Variants in KDM6A observed in about 807,000 individuals in gnomAD.
The protein encoded by KDM6A is lysine-specific demethylase 6A.
KDM6A carries 11 observed loss-of-function variants against 117.6 expected under a neutral mutation model. The ratio of observed to expected loss-of-function variants is 0.09; its 90% CI spans 0.06 to 0.15. The LOEUF is 0.15. Among genes scored for constraint, KDM6A ranks in the 10% least tolerant of loss-of-function variants. KDM6A has a pLI of 1.00. For missense variants in KDM6A, 799 were observed against 1,077.3 expected (o/e 0.74, Z 3.62); for synonymous variants, 384 against 396.1 (o/e 0.97, Z 0.36).
intron 2 of KDM6A, among the ~76,000 whole-genome samples, chrX:44,903,180 A>T (rs1004976722): frequency 4.5e-5 from 5 of 111,889 alleles, no homozygotes; most frequent in African/African-American, 1.6e-4. Context: ...CCTAGTGACA[A>T]ATTCAGTTTT....
chrX:44,969,409 A>C (rs1403685210), intron 3 of KDM6A, among the ~76,000 whole-genome samples: 1 of 68,288 alleles, frequency 1.5e-5, no homozygotes, highest in Non-Finnish European at 2.8e-5. Flanking sequence ...TTCTCTTTTT[A>C]TCTTTTTTTT....
chrX:44,950,610 G>T (rs2147101433), intron 2 of KDM6A, among the ~76,000 whole-genome samples: 1 of 110,833 alleles, frequency 9.0e-6, no homozygotes, highest in East Asian at 2.8e-4. Context: ...GTGTCTGTGT[G>T]TGTGAATATA....
At chrX:44,920,600 G>A (rs1448914739) in intron 2 of KDM6A, among the ~76,000 whole-genome samples, 2 of 108,370 alleles carry the variant, frequency 1.8e-5, no homozygotes, top group Non-Finnish European at 3.8e-5. Flanking sequence ...CACCACGCCT[G>A]GCTAATTTTT....
chrX:44,884,098 A>G (rs1197174302), intron 2 of KDM6A, among the ~76,000 whole-genome samples: 4 of 74,793 alleles, frequency 5.3e-5, no homozygotes, highest in African/African-American at 7.4e-5. Flanking sequence ...GTGAAACTCT[A>G]TCTCAAAAAA....
chrX:44,923,428 A>AT (rs1206154088), intron 2 of KDM6A, among the ~76,000 whole-genome samples: 25 of 55,404 alleles, frequency 4.5e-4, no homozygotes, highest in African/African-American at 1.3e-3. Context: ...TGCTCTGTTC[A>AT]TTTTTTTTTC....
chrX:44,995,772 G>A (rs2040836554), intron 4 of KDM6A, among the ~76,000 whole-genome samples: 1 of 111,504 alleles, frequency 9.0e-6, no homozygotes, highest in South Asian at 3.7e-4. Context: ...CTGGCCTGTT[G>A]GGATACTTTT....
chrX:44,891,355 A>C (rs1314434942), intron 2 of KDM6A, among the ~76,000 whole-genome samples: 1 of 111,471 alleles, frequency 9.0e-6, no homozygotes, highest in East Asian at 2.8e-4. Flanking sequence ...GTAGATGTTC[A>C]ACTGCTCCAC....
chrX:45,096,321 T>G (rs1259259811), intron 27 of KDM6A, among the ~76,000 whole-genome samples: 1 of 111,661 alleles, frequency 9.0e-6, no homozygotes, highest in Non-Finnish European at 1.9e-5. Flanking sequence ...GCTCCCTCCC[T>G]CCCTCAGCTC....
intron 17 of KDM6A, 41 bp downstream of exon 17, chrX:45,063,858 A>G: frequency 9.1e-7 from 1 of 1,101,400 alleles, no homozygotes; most frequent in Non-Finnish European, 1.2e-6. Context: ...TTTCACATAA[A>G]TGTTTTTACT....
chrX:45,082,686 T>G (rs775257024), intron 22 of KDM6A, 29 bp from the exon 23 acceptor site: 137 of 1,176,823 alleles, frequency 1.2e-4, no homozygotes, highest in Non-Finnish European at 1.5e-4. Context: ...TTAAAAGGCA[T>G]GTTTCTAATA....
chrX:44,934,181 G>T (rs1264242223), intron 2 of KDM6A, among the ~76,000 whole-genome samples: 1 of 111,687 alleles, frequency 9.0e-6, no homozygotes, highest in Non-Finnish European at 1.9e-5. Flanking sequence ...CAGTTCTGGT[G>T]AACTTCCTCA....
intron 4 of KDM6A, among the ~76,000 whole-genome samples, chrX:45,004,874 A>G (rs1034126554): frequency 1.8e-5 from 2 of 110,970 alleles, no homozygotes; most frequent in African/African-American, 6.6e-5. Context: ...AGGATGCCCA[A>G]GATGGACATT....
intron 25 of KDM6A, among the ~76,000 whole-genome samples, chrX:45,087,266 G>C (rs1038997309): frequency 4.4e-5 from 5 of 113,459 alleles, no homozygotes; most frequent in African/African-American, 1.3e-4. Context: ...TGGGATTACA[G>C]GCGTGAGCCA....
At chrX:45,073,108 T>G (rs1384479010) in intron 18 of KDM6A, among the ~76,000 whole-genome samples, 1 of 110,144 alleles carries the variant, frequency 9.1e-6, no homozygotes, top group South Asian at 3.9e-4. Context: ...TAGCTATGAG[T>G]GAGAACATGC....
At chrX:44,902,605 G>A (rs1452583702) in intron 2 of KDM6A, among the ~76,000 whole-genome samples, 1 of 111,339 alleles carries the variant, frequency 9.0e-6, no homozygotes, top group South Asian at 3.8e-4. Flanking sequence ...GGCCAGGCTG[G>A]TCTTGAACTC....
chrX:44,925,641 T>G (rs2036257149), intron 2 of KDM6A, among the ~76,000 whole-genome samples: 1 of 111,848 alleles, frequency 8.9e-6, no homozygotes, highest in South Asian at 3.7e-4. Flanking sequence ...TGACATAAAG[T>G]GTAATACACC....
rs1282543198 is a variant in KDM6A at position 44,940,754 on chromosome X, G to A, written c.226-20530G>A. ...CAGCTTATTAATACAACATGTACTC[G>A]GCAAGGTACGGTGACTCACGCCTGT... On this transcript the variant is annotated intron_variant, in intron 2 of 29. Coordinates refer to ENST00000611820, the MANE Select transcript of KDM6A (RefSeq NM_001291415.2). 2.7e-5 allele frequency among the ~76,000 whole-genome samples: 3 copies of A among 111,566 alleles called. No individual in the cohort carries two copies. The East Asian group carries it at 8.4e-4, about 31-fold the overall frequency.
At chrX:45,083,923 T>C (rs1002888088) in intron 24 of KDM6A, among the ~76,000 whole-genome samples, 2 of 112,052 alleles carry the variant, frequency 1.8e-5, no homozygotes, top group African/African-American at 3.2e-5. Context: ...GTGCAGTGTT[T>C]TTGAATTTTT....
chrX:44,981,143 G>A (rs1356465784), intron 4 of KDM6A, among the ~76,000 whole-genome samples: 1 of 111,586 alleles, frequency 9.0e-6, no homozygotes, highest in Non-Finnish European at 1.9e-5. Context: ...GGCTGCTGGT[G>A]TCCTCTAATT....
Sources: gnomAD v4.1 joint callset for allele counts (sites outside exome capture counted in the v4.1 genomes callset) on GRCh38, gnomAD v4.1.1 for gene constraint, MANE v1.5 for transcripts, NCBI Gene and HGNC (gene_info 2026-07-23, HGNC 2026-07-21) for gene names.